The following FKBP1B variants were observed in gnomAD, a reference collection of about 807,000 sequenced individuals.
FKBP1B encodes the protein peptidyl-prolyl cis-trans isomerase FKBP1B.
In FKBP1B, 4 loss-of-function variants were observed where a neutral mutation model predicts 13.5. That is an observed-to-expected ratio of 0.30 (90% CI 0.15 to 0.68). The LOEUF (loss-of-function observed/expected upper bound fraction) is 0.68, where lower values mean the gene tolerates loss of function less well. Ranked by LOEUF, FKBP1B falls within the 30% of genes least tolerant of loss-of-function variation. The pLI is 0.76. For missense variants in FKBP1B, 93 were observed against 136.2 expected, an observed-to-expected ratio of 0.68 and a Z score of 1.58; for synonymous variants, 54 against 53.6, an observed-to-expected ratio of 1.01 and a Z score of -0.03.
At chr2:24,042,770 C>T in the FKBP1B span, among the ~76,000 whole-genome samples, 4 of 151,778 alleles carry the variant, frequency 2.6e-5, no homozygotes, top group East Asian at 1.9e-4. Flanking sequence ...CGGCGGCTCA[C>T]GCCTGTAATC....
chr2:24,039,916 G>C, the FKBP1B span, among the ~76,000 whole-genome samples: 1 of 151,984 alleles, frequency 6.6e-6, no homozygotes, highest in African/African-American at 2.4e-5. Flanking sequence ...TTCTGCCTCA[G>C]CCTCCAGAGT....
At chr2:24,060,475 C>T (rs1186301470) in intron 2 of FKBP1B, among the ~76,000 whole-genome samples, 1 of 152,104 alleles carries the variant, frequency 6.6e-6, no homozygotes, top group Non-Finnish European at 1.5e-5. Context: ...TCGATTGAAC[C>T]CAGGAGATGG....
At chr2:24,042,032 A>G in the FKBP1B span, among the ~76,000 whole-genome samples, 1 of 152,224 alleles carries the variant, frequency 6.6e-6, no homozygotes, top group Admixed American at 6.5e-5. Context: ...ACTATCAATC[A>G]GTGGATACAT....
At chr2:24,048,271 AC>A (rs1339138067), upstream of FKBP1B, among the ~76,000 whole-genome samples, 1 of 151,804 alleles carries the variant, frequency 6.6e-6, no homozygotes, top group Non-Finnish European at 1.5e-5. Flanking sequence ...GGAGTTCGAG[AC>A]CAGCCTGGCC....
In FKBP1B at chr2:24,063,634, A is replaced by G. The variant is rs1664503454; in HGVS notation, c.*442A>G. 4.4e-6 allele frequency: 1 copy of G among 226,546 alleles called. No homozygotes were observed. The highest frequency in any genetic ancestry group is 2.2e-5 in the African/African-American group (1 of 45,032). The allele number at this position is 226,546 out of a possible 1,614,324, so 14.0% of individuals were successfully genotyped here. A position where few individuals can be genotyped will look rare whatever the true frequency, so the allele number is the denominator to read the frequency against. ...AATTCTGTTAGCTGCTCACTTAAACAATGTCCTCTTTGAGAAAATGTAAAA... is the reference window on the plus strand; with the variant it reads ...AATTCTGTTAGCTGCTCACTTAAACGATGTCCTCTTTGAGAAAATGTAAAA... On this transcript the variant is annotated 3_prime_UTR_variant, in exon 4 of 4. Transcript: ENST00000380986.
At chr2:24,058,564 A>G (rs1664240829) in intron 2 of FKBP1B, among the ~76,000 whole-genome samples, 1 of 152,244 alleles carries the variant, frequency 6.6e-6, no homozygotes, top group Non-Finnish European at 1.5e-5. Context: ...AAACCTGAAG[A>G]AACTAAGGAA....
At chr2:24,040,545 T>A in the FKBP1B span, among the ~76,000 whole-genome samples, 1 of 152,406 alleles carries the variant, frequency 6.6e-6, no homozygotes, top group Non-Finnish European at 1.5e-5. Context: ...TGTTTCTATT[T>A]CTACTTCTAC....
At chr2:24,036,098 AAAT>A in the FKBP1B span, among the ~76,000 whole-genome samples, 1 of 150,286 alleles carries the variant, frequency 6.7e-6, no homozygotes, top group African/African-American at 2.4e-5. Context: ...ATAAATAAAT[AAAT>A]AAATAAAATA....
the FKBP1B span, among the ~76,000 whole-genome samples, chr2:24,043,223 C>G: frequency 6.6e-6 from 1 of 152,110 alleles, no homozygotes; most frequent in Admixed American, 6.6e-5. Flanking sequence ...GTAATCCCAG[C>G]TACTTGGGAG....
chr2:24,042,709 C>CA, the FKBP1B span, among the ~76,000 whole-genome samples: 25,848 of 140,476 alleles, frequency 0.18, 3,130 homozygotes, highest in African/African-American at 0.36. Context: ...AACTCTGTCT[C>CA]AAAAAAAAAA....
intron 2 of FKBP1B, among the ~76,000 whole-genome samples, chr2:24,059,233 G>T (rs948893124): frequency 6.6e-6 from 1 of 152,238 alleles, no homozygotes; most frequent in Non-Finnish European, 1.5e-5. Context: ...CAGAAGGTCT[G>T]ATCTTTGAGT....
chr2:24,063,489 T>C lies in FKBP1B; in HGVS notation c.*297T>C. 1 of 352,640 alleles carries C rather than the reference T, an allele frequency of 2.8e-6. No homozygotes were observed. Among genetic ancestry groups the C allele is most frequent in the Non-Finnish European group, 5.1e-6 (1 of 194,836 alleles). The allele number at this position is 352,640 out of a possible 1,614,324, so 21.8% of individuals were successfully genotyped here. A position where few individuals can be genotyped will look rare whatever the true frequency, so the allele number is the denominator to read the frequency against. ...ACACAGATCTCTTGTTCGCACAATCTACACTGCCTTACCTTCACTTAAACC... is the reference window on the plus strand; with the variant it reads ...ACACAGATCTCTTGTTCGCACAATCCACACTGCCTTACCTTCACTTAAACC... On this transcript the variant is annotated 3_prime_UTR_variant, in exon 4 of 4. Coordinates refer to ENST00000380986, the MANE Select transcript of FKBP1B (RefSeq NM_004116.5).
At chr2:24,054,032 T>C in intron 2 of FKBP1B, 83 bp downstream of exon 2, 1 of 1,346,610 alleles carries the variant, frequency 7.4e-7, no homozygotes, top group African/African-American at 1.4e-5. Flanking sequence ...CAGAGGTGCC[T>C]GCCTCTGGAT....
At chr2:24,040,796 C>CACCCTG in the FKBP1B span, among the ~76,000 whole-genome samples, 1 of 152,268 alleles carries the variant, frequency 6.6e-6, no homozygotes, top group African/African-American at 2.4e-5. Context: ...ACGGGAGGAT[C>CACCCTG]ACCTGAGGTT....
the FKBP1B span, chr2:24,038,652 T>C: frequency 6.2e-7 from 1 of 1,614,154 alleles, no homozygotes; most frequent in East Asian, 2.2e-5. Flanking sequence ...GATCCAGAGG[T>C]TCTAAATAGG....
chr2:24,061,684 A>G (rs2150972344), intron 3 of FKBP1B, among the ~76,000 whole-genome samples: 1 of 152,336 alleles, frequency 6.6e-6, no homozygotes, highest in South Asian at 2.1e-4. Flanking sequence ...GGACATTCAC[A>G]CTGATACAAA....
At chr2:24,060,751 G>T (rs951459728) in intron 2 of FKBP1B, 63 bp from the exon 3 acceptor site, 2 of 1,177,444 alleles carry the variant, frequency 1.7e-6, no homozygotes, top group South Asian at 1.3e-5. Context: ...TAGACATGTG[G>T]AATCTGAATT....
chr2:24,035,017 GA>G, the FKBP1B span, among the ~76,000 whole-genome samples: 12 of 151,256 alleles, frequency 7.9e-5, no homozygotes, highest in African/African-American at 2.2e-4. Flanking sequence ...TTTTATATTA[GA>G]TTTTTTTTGG....
At chr2:24,034,167 T>C in the FKBP1B span, among the ~76,000 whole-genome samples, 1 of 152,252 alleles carries the variant, frequency 6.6e-6, no homozygotes, top group Admixed American at 6.5e-5. Context: ...ACGCCTGTAA[T>C]CCCAGAACTT....
Sources: allele counts gnomAD v4.1 joint callset (sites outside exome capture counted in the v4.1 genomes callset), GRCh38; gene constraint gnomAD v4.1.1; transcripts MANE v1.5; gene names NCBI Gene and HGNC (gene_info 2026-07-23, HGNC 2026-07-21).